XIRP2: variants seen among roughly 807,000 people sequenced by gnomAD.
XIRP2 encodes the protein xin actin binding repeat containing 2.
A neutral mutation model predicts 277.0 loss-of-function variants in XIRP2; 236 were observed. The observed-to-expected ratio is 0.85, with a 90% CI of 0.77 to 0.95. The LOEUF (loss-of-function observed/expected upper bound fraction) is 0.95, where lower values mean the gene tolerates loss of function less well. Ranked by LOEUF, XIRP2 falls within the 40% of genes least tolerant of loss-of-function variation. The pLI, the probability that XIRP2 is intolerant of heterozygous loss-of-function variation, is 0.00. For missense variants in XIRP2, 4,640 were observed against 4,157.5 expected (o/e 1.12, Z -3.19); for synonymous variants, 1,490 against 1,416.5 (o/e 1.05, Z -1.17).
Position 167,088,060 on chromosome 2 carries a change from A to C in XIRP2, c.409-47849A>C, listed in dbSNP as rs567885909. On this transcript the variant is annotated intron_variant, in intron 2 of 10. Coordinates refer to ENST00000409195, the MANE Select transcript of XIRP2 (RefSeq NM_152381.6). ...TGAAAATATTTCAGTGGCCACTATT[A>C]ATTTCTGGCAACAGCTATCTTAAAA... is the stretch of plus-strand genomic sequence containing the variant. Among the ~76,000 whole-genome samples, 701 of 152,270 alleles carry C rather than the reference A, an allele frequency of 4.6e-3. 6 individuals are homozygous for C. The highest frequency in any genetic ancestry group is 6.4e-3 in the Non-Finnish European group (437 of 68,028).
intron 3 of XIRP2, among the ~76,000 whole-genome samples, chr2:167,171,163 G>T (rs2105348984): frequency 6.6e-6 from 1 of 152,148 alleles, no homozygotes; most frequent in East Asian, 1.9e-4. Flanking sequence ...GCCTCCCAAA[G>T]TGCTGGGATT....
intron 2 of XIRP2, among the ~76,000 whole-genome samples, chr2:167,083,397 T>C (rs1470069875): frequency 6.6e-6 from 1 of 152,252 alleles, no homozygotes; most frequent in Non-Finnish European, 1.5e-5. Flanking sequence ...AGCTTTGTTC[T>C]TTTTGCTTAG....
intron 2 of XIRP2, among the ~76,000 whole-genome samples, chr2:167,129,562 T>C (rs1051498870): frequency 3.9e-5 from 6 of 152,128 alleles, no homozygotes; most frequent in Non-Finnish European, 8.8e-5. Context: ...ATTATAATTA[T>C]ACATATGTTA....
chr2:167,143,502 TG>T (rs1468217672), intron 3 of XIRP2, among the ~76,000 whole-genome samples: 4 of 152,148 alleles, frequency 2.6e-5, no homozygotes, highest in Non-Finnish European at 4.4e-5. Flanking sequence ...GTAAGCAATT[TG>T]GAAGAAAATA....
At chr2:166,913,909 T>A (rs1032548306) in intron 2 of XIRP2, among the ~76,000 whole-genome samples, 5 of 152,196 alleles carry the variant, frequency 3.3e-5, no homozygotes, top group Non-Finnish European at 7.3e-5. Context: ...TCACTTAGAT[T>A]CAAGTAAGTG....
chr2:167,145,665 G>C (rs1030464636), intron 3 of XIRP2, among the ~76,000 whole-genome samples: 8 of 152,190 alleles, frequency 5.3e-5, no homozygotes, highest in African/African-American at 1.7e-4. Context: ...GATGCTAGAA[G>C]GAAGCAGAGC....
chr2:167,162,244 C>G (rs1692391579), intron 3 of XIRP2, among the ~76,000 whole-genome samples: 1 of 152,230 alleles, frequency 6.6e-6, no homozygotes, highest in South Asian at 2.1e-4. Context: ...TTACCCAGTT[C>G]CAAAGTTGTT....
chr2:167,041,573 C>T (rs1287751189), intron 2 of XIRP2, among the ~76,000 whole-genome samples: 1 of 152,150 alleles, frequency 6.6e-6, no homozygotes, highest in South Asian at 2.1e-4. Context: ...GAAGAAAGAA[C>T]CTCAGAGCTT....
At chr2:167,017,662 C>A (rs1381266323) in intron 2 of XIRP2, among the ~76,000 whole-genome samples, 1 of 151,908 alleles carries the variant, frequency 6.6e-6, no homozygotes, top group East Asian at 1.9e-4. Flanking sequence ...CTGCTTCCAC[C>A]TCTTGGTTCC....
At chr2:167,090,440 G>T (rs2105274606) in intron 2 of XIRP2, among the ~76,000 whole-genome samples, 1 of 151,978 alleles carries the variant, frequency 6.6e-6, no homozygotes, top group Middle Eastern at 3.4e-3. Context: ...ACACTTTATG[G>T]TCTTTTGTTT....
chr2:166,914,502 G>A lies in XIRP2; in HGVS notation c.408+10612G>A, dbSNP rs372500700. Among the ~76,000 whole-genome samples the A allele has an allele frequency of 6.6e-5, 10 of 151,940 alleles. No individual in the cohort carries two copies. The South Asian group carries it at 1.0e-3, about 16-fold the overall frequency. On this transcript the variant is annotated intron_variant, in intron 2 of 10. Transcript: ENST00000409195. ...ACTACAGGTGCCCGCCACCTTGCCC[G>A]GCTAATTTTTTGTATTTTTAGTAGA...
intron 2 of XIRP2, among the ~76,000 whole-genome samples, chr2:167,028,552 A>G (rs890235070): frequency 2.6e-5 from 4 of 152,084 alleles, no homozygotes; most frequent in African/African-American, 7.2e-5. Flanking sequence ...TTAGATCAAA[A>G]CACTCAATTC....
intron 2 of XIRP2, among the ~76,000 whole-genome samples, chr2:167,013,900 A>G (rs1290090762): frequency 6.8e-6 from 1 of 147,352 alleles, no homozygotes; most frequent in Non-Finnish European, 1.5e-5. Context: ...ATCCTACAAC[A>G]CTCTGATATA....
At chr2:167,180,217 G>A (rs1185234507) in intron 3 of XIRP2, among the ~76,000 whole-genome samples, 1 of 151,912 alleles carries the variant, frequency 6.6e-6, no homozygotes, top group Non-Finnish European at 1.5e-5. Flanking sequence ...TGAGCCTTTG[G>A]TTTTGTCATC....
chr2:166,898,679 T>C (rs1684304729), intron 1 of XIRP2, among the ~76,000 whole-genome samples: 1 of 152,050 alleles, frequency 6.6e-6, no homozygotes. Context: ...TTATCACCTA[T>C]GCAGATTCCT....
intron 1 of XIRP2, among the ~76,000 whole-genome samples, chr2:166,892,095 C>G (rs1684119863): frequency 1.3e-5 from 2 of 152,052 alleles, no homozygotes; most frequent in African/African-American, 4.8e-5. Flanking sequence ...AATATTTTCC[C>G]CCTTCAGACA....
At chr2:166,940,990 T>A (rs1685694375) in intron 2 of XIRP2, among the ~76,000 whole-genome samples, 1 of 152,318 alleles carries the variant, frequency 6.6e-6, no homozygotes, top group South Asian at 2.1e-4. Flanking sequence ...CAGAGACATT[T>A]AAGTCTGCAG....
chr2:167,248,129 T>C lies in XIRP2; in HGVS notation c.6737T>C (p.Val2246Ala). The C allele has an allele frequency of 1.2e-6, 2 of 1,613,368 alleles. No homozygotes were observed. Among genetic ancestry groups the C allele is most frequent in the Non-Finnish European group, 1.7e-6 (2 of 1,179,752 alleles). The change falls in exon 9 of 11, where the codon GTT becomes GCT. Residue 2246 changes from valine (V) to alanine (A), a missense_variant. By Grantham distance (64) the Val-to-Ala change is moderately conservative. Transcript: ENST00000409195. ...ACCAACAAAAAGCGGGAGACTGATGTTCACTTGAAAAGCCAGGACTTTCTA... is the reference window on the plus strand; with the variant it reads ...ACCAACAAAAAGCGGGAGACTGATGCTCACTTGAAAAGCCAGGACTTTCTA... ...KATNKKRETDVHLKSQDFLMK... is the reference protein window; with the variant it reads ...KATNKKRETDAHLKSQDFLMK...
chr2:167,074,999 A>G (rs1235101422), intron 2 of XIRP2, among the ~76,000 whole-genome samples: 1 of 152,174 alleles, frequency 6.6e-6, no homozygotes, highest in Non-Finnish European at 1.5e-5. Flanking sequence ...AAGAGGCTCA[A>G]AATCATCAGC....
Sources: allele counts gnomAD v4.1 joint callset (sites outside exome capture counted in the v4.1 genomes callset), GRCh38; gene constraint gnomAD v4.1.1; transcripts MANE v1.5; gene names NCBI Gene and HGNC (gene_info 2026-07-23, HGNC 2026-07-21).